MIA3: variants seen among roughly 807,000 people sequenced by gnomAD.
MIA3 encodes the protein MIA SH3 domain ER export factor 3.
In MIA3, 90 loss-of-function variants were observed where a neutral mutation model predicts 192.4. That is an observed-to-expected ratio of 0.47 (90% CI 0.39 to 0.56). MIA3 has a LOEUF of 0.56. Ranked by LOEUF, MIA3 falls within the 20% of genes least tolerant of loss-of-function variation. The pLI is 0.00. For missense variants in MIA3, 2,123 were observed against 2,269.4 expected, an observed-to-expected ratio of 0.94 and a Z score of 1.31; for synonymous variants, 740 against 792.8, an observed-to-expected ratio of 0.93 and a Z score of 1.12.
chr1:222,664,920 T>TA, intron 27 of MIA3: 1 of 468,474 alleles, frequency 2.1e-6, no homozygotes, highest in South Asian at 1.6e-5. Flanking sequence ...CTCACGCCTG[T>TA]AATCCCAGCA....
Position 222,621,238 on chromosome 1 carries a change from T to C in MIA3, c.213T>C (p.Pro71=). The stretch of plus-strand genomic sequence containing the variant: ...TTGTGAATTTTAAAAAAGGTGATCC[T>C]GTATATGTTTACTATAAACTGGCAA... ...CRFVNFKKGD[P]VYVYYKLARG... The change falls in exon 2 of 28, where the codon CCT becomes CCC. Residue 71 remains proline (P), a synonymous_variant. Coordinates refer to ENST00000344922, the MANE Select transcript of MIA3 (RefSeq NM_198551.4). 1.2e-6 allele frequency: 2 copies of C among 1,613,660 alleles called. No homozygotes were observed. The highest frequency in any genetic ancestry group is 1.7e-6 in the Non-Finnish European group (2 of 1,179,802).
At chr1:222,646,889 A>G (rs556799171) in intron 7 of MIA3, among the ~76,000 whole-genome samples, 1 of 152,350 alleles carries the variant, frequency 6.6e-6, no homozygotes, top group Admixed American at 6.5e-5. Flanking sequence ...TATATAATTC[A>G]AAGACATAGG....
chr1:222,637,125 A>G (rs1014843798), intron 6 of MIA3, among the ~76,000 whole-genome samples: 2 of 152,152 alleles, frequency 1.3e-5, no homozygotes, highest in African/African-American at 4.8e-5. Context: ...GTTACTGTCT[A>G]TGGAGTTCTT....
chr1:222,652,381 T>C, intron 13 of MIA3, 49 bp downstream of exon 13: 1 of 1,132,948 alleles, frequency 8.8e-7, no homozygotes, highest in Non-Finnish European at 1.3e-6. Flanking sequence ...GAACTCAGTA[T>C]CATACCTCAT....
chr1:222,638,527 A>AAC lies in MIA3; in HGVS notation c.3477+5300_3477+5301dup, dbSNP rs142663900. ...ACATGGTGAAATCCTGTTTCTACAA[A>AAC]ACACACACACACACACACACACAGC... is the stretch of plus-strand genomic sequence containing the variant. On this transcript the variant is annotated intron_variant, in intron 6 of 27. Coordinates refer to ENST00000344922, the MANE Select transcript of MIA3 (RefSeq NM_198551.4). Among the ~76,000 whole-genome samples, 1,020 of 148,850 alleles carry AAC rather than the reference A, an allele frequency of 6.9e-3. 5 individuals carry two copies. The highest frequency in any genetic ancestry group is 0.017 in the Middle Eastern group (5 of 288).
rs1282989197 is a variant in MIA3, at chr1:222,632,198, G to A, written c.3203G>A (p.Arg1068Gln). The A allele has an allele frequency of 6.2e-6, 10 of 1,614,090 alleles. No individual in the cohort carries two copies. Among genetic ancestry groups the A allele is most frequent in the Admixed American group, 3.3e-5 (2 of 60,016 alleles). Reference protein sequence around the residue: ...MQPLHEDNFSREKTAELNVQV... With the variant: ...MQPLHEDNFSQEKTAELNVQV... ...CCACTGCATGAAGATAATTTCTCAC[G>A]AGAGAAGACAGCAGAACTTAATGTG... is the stretch of plus-strand genomic sequence containing the variant. The change falls in exon 5 of 28, where the codon CGA becomes CAA. Residue 1068 changes from arginine (R) to glutamine (Q), a missense_variant. Arg to Gln is a conservative substitution (Grantham distance 43). Transcript: ENST00000344922.
chr1:222,650,235 G>T (rs1315805824), intron 8 of MIA3, 57 bp from the exon 9 acceptor site: 1 of 940,078 alleles, frequency 1.1e-6, no homozygotes, highest in Non-Finnish European at 1.7e-6. Context: ...TGATACATTG[G>T]GTAATTCAAT....
At chr1:222,624,452 G>A (rs560755947) in intron 2 of MIA3, among the ~76,000 whole-genome samples, 3 of 152,272 alleles carry the variant, frequency 2.0e-5, no homozygotes, top group Admixed American at 6.5e-5. Context: ...AATGCCATGC[G>A]ACGCTAATCA....
Position 222,650,866 on chromosome 1 carries a change from A to G in MIA3, c.3872A>G (p.Glu1291Gly), listed in dbSNP as rs1341532208. The part of the protein sequence containing the change: ...DTAKNLRVML[E>G]SEREQNVKNQ... The stretch of plus-strand genomic sequence containing the variant: ...GCTAAAAATCTTCGTGTTATGCTAG[A>G]ATCTGAGAGAGAACAGAATGTCAAG... Residue 1291 changes from glutamate to glycine, a missense_variant, in exon 11 of 28, where the codon GAA becomes GGA. Glu to Gly is a moderately conservative substitution (Grantham distance 98). Around this residue, in one of 3 missense-constraint regions of MIA3, gnomAD observed 762 missense variants for 856.4 expected, o/e 0.89. Coordinates refer to ENST00000344922, the MANE Select transcript of MIA3 (RefSeq NM_198551.4). 1 of 1,607,892 alleles carries G rather than the reference A, an allele frequency of 6.2e-7. No individual in the cohort carries two copies. The highest frequency in any genetic ancestry group is 1.1e-5 in the South Asian group (1 of 89,302).
chr1:222,662,375 T>C (rs1411566581), intron 26 of MIA3, 43 bp downstream of exon 26: 3 of 1,589,828 alleles, frequency 1.9e-6, no homozygotes, highest in South Asian at 1.1e-5. Flanking sequence ...TCAGGAACAT[T>C]TAGCTCTTCC....
intron 27 of MIA3, chr1:222,665,098 C>CT (rs1421873693): frequency 4.6e-5 from 25 of 540,990 alleles, no homozygotes; most frequent in Middle Eastern, 4.9e-4. Context: ...ACTGGGGAGT[C>CT]TGAGGTGGGA....
In MIA3 at chr1:222,630,326, G is replaced by C; in HGVS notation, c.3106G>C (p.Glu1036Gln). Residue 1036 changes from glutamate (E) to glutamine (Q), a missense_variant, in exon 4 of 28, where the codon GAG (glutamate) becomes CAG (glutamine). Glu to Gln is a conservative substitution (Grantham distance 29). Transcript: ENST00000344922. ...TGTCAGGTACAAGCACTCCACAGCA[G>C]AGGAGACAGCCACACTGGTGATGGC... Reference protein sequence around the residue: ...YFVRYKHSTAEETATLVMAPP... With the variant: ...YFVRYKHSTAQETATLVMAPP... 6.2e-7 allele frequency: 1 copy of C among 1,614,126 alleles called. No individual in the cohort carries two copies.
chr1:222,650,918 G>A lies in MIA3; in HGVS notation c.3909+15G>A, dbSNP rs762845486. 6.8e-7 allele frequency: 1 copy of A among 1,464,878 alleles called. No individual in the cohort carries two copies. Among genetic ancestry groups the A allele is most frequent in the Non-Finnish European group, 9.4e-7 (1 of 1,060,780 alleles). 90.7% of individuals were successfully genotyped at this position (1,464,878 alleles called of 1,614,324 possible). A position where few individuals can be genotyped will look rare whatever the true frequency, so the allele number is the denominator to read the frequency against. On this transcript the variant is annotated intron_variant, in intron 11 of 27. Transcript: ENST00000344922. ...ATCAGGACTTGGTAAGAGTTTTGCTGCTAAGTATTACTAATAATTTGGGTT... is the reference window on the plus strand; with the variant it reads ...ATCAGGACTTGGTAAGAGTTTTGCTACTAAGTATTACTAATAATTTGGGTT...
At chr1:222,644,825 G>A (rs749940881) in intron 6 of MIA3, among the ~76,000 whole-genome samples, 8 of 151,490 alleles carry the variant, frequency 5.3e-5, no homozygotes, top group Non-Finnish European at 1.0e-4. Context: ...TTATGTTCTG[G>A]TGTGAAGTCA....
rs73124844 is a variant in MIA3, at chr1:222,654,894, G to A, written c.4607+101G>A. On this transcript the variant is annotated intron_variant, in intron 18 of 27. Transcript: ENST00000344922. ...TCGTTTTTCAGGATTGTACTCTTTT[G>A]CATCTGTAATTAGTATAAATTTGTC... is the stretch of plus-strand genomic sequence containing the variant. The A allele has an allele frequency of 1.1e-3, 1,154 of 1,028,448 alleles. 7 individuals are homozygous for A. The African/African-American group carries it at 0.016, about 14-fold the overall frequency. The allele number at this position is 1,028,448 out of a possible 1,614,324, so 63.7% of individuals were successfully genotyped here. A position where few individuals can be genotyped will look rare whatever the true frequency, so the allele number is the denominator to read the frequency against.
At chr1:222,647,078 A>T (rs1663183001) in intron 7 of MIA3, among the ~76,000 whole-genome samples, 1 of 152,214 alleles carries the variant, frequency 6.6e-6, no homozygotes. Context: ...TTCAGTTTTT[A>T]AAAAATGTGT....
At chr1:222,654,919 C>T (rs377493456) in intron 18 of MIA3, 126 bp downstream of exon 18, 1 of 841,214 alleles carries the variant, frequency 1.2e-6, no homozygotes. Flanking sequence ...ATAAATTTGT[C>T]TTTCTTTCTT....
In MIA3 at chr1:222,633,119, A is replaced by C. The variant is rs369889721; in HGVS notation, c.3347A>C (p.Glu1116Ala). The C allele has an allele frequency of 3.5e-5, 56 of 1,603,616 alleles. No homozygotes were observed. Among genetic ancestry groups the C allele is most frequent in the Non-Finnish European group, 4.8e-5 (56 of 1,177,260 alleles). The change falls in exon 6 of 28, where the codon GAA becomes GCA. Residue 1116 changes from glutamate to alanine, a missense_variant. By Grantham distance (107) the Glu-to-Ala change is moderately radical. Transcript: ENST00000344922. ...KDLDPGPVTT[E>A]DTPMDAIDAN... is the part of the protein sequence containing the mutation. ...CCAATTCCAGGGCCAGTTACAACAG[A>C]AGACACTCCTATGGATGCTATTGAT...
chr1:222,618,565 A>AG (rs1661715159), intron 1 of MIA3, among the ~76,000 whole-genome samples: 1 of 151,996 alleles, frequency 6.6e-6, no homozygotes, highest in Non-Finnish European at 1.5e-5. Flanking sequence ...GGCTTCCCCA[A>AG]TAGTGGCTCA....
Sources: allele counts gnomAD v4.1 joint callset (sites outside exome capture counted in the v4.1 genomes callset), GRCh38; gene constraint gnomAD v4.1.1; regional missense constraint gnomAD v4.1.1; transcripts MANE v1.5; gene names NCBI Gene and HGNC (gene_info 2026-07-23, HGNC 2026-07-21).